The following USP42 variants were observed in gnomAD, a reference collection of about 807,000 sequenced individuals.
The protein encoded by USP42 is ubiquitin carboxyl-terminal hydrolase 42.
In USP42, 23 loss-of-function variants were observed where a neutral mutation model predicts 113.0. The ratio of observed to expected loss-of-function variants is 0.20; its 90% CI spans 0.15 to 0.29. The LOEUF (loss-of-function observed/expected upper bound fraction) is 0.29, where lower values mean the gene tolerates loss of function less well. Among genes scored for constraint, USP42 ranks in the 10% least tolerant of loss-of-function variants. The pLI is 1.00. For missense variants in USP42, 2,174 were observed against 1,779.8 expected (o/e 1.22, Z -3.99); for synonymous variants, 933 against 699.0 (o/e 1.33, Z -5.28).
intron 1 of USP42, 118 bp downstream of exon 1, chr7:6,105,150 T>C (rs1779188495): frequency 6.9e-6 from 1 of 145,510 alleles, no homozygotes; most frequent in Non-Finnish European, 1.5e-5. Context: ...CGCCGGGGGC[T>C]GGTGCGGCCC....
chr7:6,154,239 C>G lies in USP42; in HGVS notation c.2685C>G (p.Ala895=). The change falls in exon 15 of 18, where the codon GCC becomes GCG. Residue 895 remains alanine (A), a synonymous_variant. Coordinates refer to ENST00000306177, the MANE Select transcript of USP42 (RefSeq NM_032172.3). ...CCCAGAGCTTGGGCGCACCCGAGGCCGCAGAGCGGCCGCCAGCTCCTGTGC... is the reference window on the plus strand; with the variant it reads ...CCCAGAGCTTGGGCGCACCCGAGGCGGCAGAGCGGCCGCCAGCTCCTGTGC... ...DPSQSLGAPE[A]AERPPAPVLD... 6.2e-7 allele frequency: 1 copy of G among 1,605,302 alleles called. No individual in the cohort carries two copies. The highest frequency in any genetic ancestry group is 8.5e-7 in the Non-Finnish European group (1 of 1,177,808).
the USP42 span, among the ~76,000 whole-genome samples, chr7:6,084,830 T>G: frequency 1.7e-4 from 25 of 150,484 alleles, no homozygotes; most frequent in Non-Finnish European, 3.2e-4. Flanking sequence ...GTGAGTCTCC[T>G]GCCTCAGCCT....
At chr7:6,105,469 C>G in intron 1 of USP42, among the ~76,000 whole-genome samples, 1 of 145,162 alleles carries the variant, frequency 6.9e-6, no homozygotes, top group South Asian at 2.1e-4. Context: ...CCCCGGCCCG[C>G]CCGCCGCCCC....
chr7:6,093,387 G>A, the USP42 span, among the ~76,000 whole-genome samples: 1 of 150,230 alleles, frequency 6.7e-6, no homozygotes, highest in Non-Finnish European at 1.5e-5. Context: ...CCGAGTTCAA[G>A]TGATTCTCAT....
chr7:6,088,767 CCTT>C, the USP42 span: 4 of 151,246 alleles, frequency 2.6e-5, no homozygotes, highest in Admixed American at 1.3e-4. Context: ...ATTTTGCTCT[CCTT>C]CTCTCCTGTT....
rs145418957 is a variant in USP42 at position 6,159,651 on chromosome 7, C to T, written c.*36+158C>T. On this transcript the variant is annotated intron_variant, in intron 17 of 17. Coordinates refer to ENST00000306177, the MANE Select transcript of USP42 (RefSeq NM_032172.3). This position sits in a 1 kb window ranked among gnomAD's most constrained non-coding sequence, Gnocchi z 4.1. The stretch of plus-strand genomic sequence containing the variant: ...GGCAGGTTCCCAGCCAGCCCAGACC[C>T]AGGCCACGCGCTTGGGGACAGACCT... Among the ~76,000 whole-genome samples the T allele has an allele frequency of 1.3e-5, 2 of 152,190 alleles. No homozygotes were observed. The highest frequency in any genetic ancestry group is 2.4e-5 in the African/African-American group (1 of 41,450).
intron 2 of USP42, chr7:6,111,666 G>C (rs143938262): frequency 4.7e-6 from 1 of 213,146 alleles, no homozygotes; most frequent in African/African-American, 2.4e-5. Flanking sequence ...GCAGTGGCGC[G>C]ATCTTGACTC....
At chr7:6,085,620 A>ATT in the USP42 span, among the ~76,000 whole-genome samples, 172 of 140,100 alleles carry the variant, frequency 1.2e-3, 1 homozygote, top group Middle Eastern at 0.022. Flanking sequence ...ATATATATAT[A>ATT]TATATTTTTT....
intron 14 of USP42, among the ~76,000 whole-genome samples, chr7:6,152,155 C>T (rs1284772898): frequency 3.9e-5 from 6 of 152,336 alleles, no homozygotes; most frequent in East Asian, 3.9e-4. Context: ...AGGACGGCCC[C>T]GTGGCGAGAG....
intron 3 of USP42, among the ~76,000 whole-genome samples, chr7:6,134,179 C>G (rs1189815903): frequency 1.3e-5 from 2 of 152,134 alleles, no homozygotes; most frequent in Admixed American, 6.6e-5. Context: ...GTATGAGCCA[C>G]CAGGCTCAGC....
At chr7:6,135,270 C>T (rs556706919) in intron 3 of USP42, among the ~76,000 whole-genome samples, 8 of 152,150 alleles carry the variant, frequency 5.3e-5, no homozygotes, top group Non-Finnish European at 1.2e-4. Flanking sequence ...AACTCTTTGA[C>T]ATTGGGCAAA....
chr7:6,154,736 A>C lies in USP42; in HGVS notation c.3182A>C (p.Tyr1061Ser). 1.3e-6 allele frequency: 2 copies of C among 1,580,184 alleles called. No homozygotes were observed. The highest frequency in any genetic ancestry group is 1.7e-6 in the Non-Finnish European group (2 of 1,164,806). Reference protein sequence around the residue: ...PDRPRWDRCRYYHDRYALYAA... With the variant: ...PDRPRWDRCRSYHDRYALYAA... ...AGGCCGCGCTGGGACAGGTGCCGGT[A>C]CTACCATGACAGGTACGCCCTGTAC... Residue 1061 changes from tyrosine to serine, a missense_variant, in exon 15 of 18, where the codon TAC becomes TCC. Tyr to Ser is a moderately radical substitution (Grantham distance 144). Coordinates refer to ENST00000306177, the MANE Select transcript of USP42 (RefSeq NM_032172.3).
Position 6,119,925 on chromosome 7 carries a change from C to T in USP42, c.442+4402C>T, listed in dbSNP as rs530639628. 2.7e-4 allele frequency among the ~76,000 whole-genome samples: 41 copies of T among 151,802 alleles called. 2 individuals are homozygous for T. The South Asian group carries it at 8.3e-3, about 31-fold the overall frequency. The stretch of plus-strand genomic sequence containing the variant: ...CCATGTTGCCCAGGCTGGTCTTGAA[C>T]TCCTACGCTTAAGCGGTTCTCTTGC... On this transcript the variant is annotated intron_variant, in intron 3 of 17. Coordinates refer to ENST00000306177, the MANE Select transcript of USP42 (RefSeq NM_032172.3).
intron 2 of USP42, among the ~76,000 whole-genome samples, chr7:6,113,052 C>T (rs967490854): frequency 1.5e-4 from 23 of 151,632 alleles, no homozygotes; most frequent in East Asian, 5.8e-4. Context: ...TACAGGTGCG[C>T]GCCACCATGC....
At chr7:6,101,185 A>G (rs1404564100), upstream of USP42, among the ~76,000 whole-genome samples, 2 of 151,104 alleles carry the variant, frequency 1.3e-5, no homozygotes, top group Non-Finnish European at 2.9e-5. Flanking sequence ...GGCAGCTGTG[A>G]GTTATAAGCA....
intron 8 of USP42, among the ~76,000 whole-genome samples, chr7:6,143,305 AG>A (rs1393066637): frequency 2.6e-5 from 4 of 152,162 alleles, no homozygotes; most frequent in African/African-American, 4.8e-5. Flanking sequence ...GTGCTGCTTC[AG>A]GTGTGGCTGG....
At chr7:6,148,022 C>T (rs1431447805) in intron 12 of USP42, 130 bp downstream of exon 12, 14 of 989,636 alleles carry the variant, frequency 1.4e-5, no homozygotes, top group Non-Finnish European at 2.0e-5. Flanking sequence ...TTTAATCAAA[C>T]CCTCTTACAC....
In USP42 at chr7:6,155,521, G is replaced by C. The variant is rs142327206; in HGVS notation, c.3641+326G>C. ...TGCAGTGTTCCATCAATGAACAATTGGGAGTCTTTGACCTTAGAATTGGTG... is the reference window on the plus strand; with the variant it reads ...TGCAGTGTTCCATCAATGAACAATTCGGAGTCTTTGACCTTAGAATTGGTG... On this transcript the variant is annotated intron_variant, in intron 15 of 17. Transcript: ENST00000306177. 6.6e-4 allele frequency among the ~76,000 whole-genome samples: 100 copies of C among 152,254 alleles called. 1 individual carries two copies. The Middle Eastern group carries it at 0.01, about 16-fold the overall frequency.
rs1781308551 is a variant in USP42, at chr7:6,139,029, G to C, written c.554-63G>C. 2 of 1,031,580 alleles carry C rather than the reference G, an allele frequency of 1.9e-6. No individual in the cohort carries two copies. The highest frequency in any genetic ancestry group is 2.8e-6 in the Non-Finnish European group (2 of 701,970). 63.9% of individuals were successfully genotyped at this position (1,031,580 alleles called of 1,614,324 possible). A position where few individuals can be genotyped will look rare whatever the true frequency, so the allele number is the denominator to read the frequency against. On this transcript the variant is annotated intron_variant, in intron 4 of 17. Transcript: ENST00000306177. This position sits in a 1 kb window ranked among gnomAD's most constrained non-coding sequence, Gnocchi z 4.5. The stretch of plus-strand genomic sequence containing the variant: ...ACATATTATTATAAGATATATTTTG[G>C]GGGGTACAACTTAGGCTTATTACGT...
Sources: allele counts gnomAD v4.1 joint callset (sites outside exome capture counted in the v4.1 genomes callset), GRCh38; gene constraint gnomAD v4.1.1; non-coding constraint Gnocchi (gnomAD v3.1); transcripts MANE v1.5; gene names NCBI Gene and HGNC (gene_info 2026-07-23, HGNC 2026-07-21).